PCDHGA5: variants seen among roughly 807,000 people sequenced by gnomAD.
The protein encoded by PCDHGA5 is protocadherin gamma-A5.
Under a neutral mutation model 56.7 loss-of-function variants are expected in PCDHGA5, and 36 were observed. The observed-to-expected ratio is 0.64, with a 90% CI of 0.49 to 0.84. The LOEUF (loss-of-function observed/expected upper bound fraction) is 0.84. Among genes scored for constraint, PCDHGA5 ranks in the 40% least tolerant of loss-of-function variants. The probability of loss-of-function intolerance (pLI) is 0.00; values close to 1 mark genes in which losing one functional copy is unlikely to be tolerated. For synonymous variants in PCDHGA5, 563 were observed against 520.2 expected (o/e 1.08, Z -1.12); for missense variants, 1,305 against 1,201.5 (o/e 1.09, Z -1.27).
intron 1 of PCDHGA5, chr5:141,376,519 T>C (rs1281722134): frequency 1.2e-6 from 2 of 1,613,930 alleles, no homozygotes; most frequent in Non-Finnish European, 1.7e-6. Context: ...TGAGTTTCTT[T>C]CCGCCTAAGC....
At chr5:141,465,923 C>G (rs908350232) in intron 1 of PCDHGA5, among the ~76,000 whole-genome samples, 2 of 152,062 alleles carry the variant, frequency 1.3e-5, no homozygotes, top group African/African-American at 4.8e-5. Flanking sequence ...GATTTCGAGT[C>G]CATCCTGGCT....
chr5:141,373,903 C>T (rs1769941634), intron 1 of PCDHGA5: 1 of 586,370 alleles, frequency 1.7e-6, no homozygotes. Flanking sequence ...GTTACATCCT[C>T]CAACAACAAA....
intron 1 of PCDHGA5, among the ~76,000 whole-genome samples, chr5:141,492,221 G>C (rs62379206): frequency 0.18 from 27,189 of 152,134 alleles, 2,633 homozygotes; most frequent in Admixed American, 0.28. Context: ...GGGCTCATGC[G>C]TGTCCTCCCT....
intron 1 of PCDHGA5, chr5:141,413,664 T>A: frequency 6.2e-7 from 1 of 1,613,858 alleles, no homozygotes; most frequent in Non-Finnish European, 8.5e-7. Flanking sequence ...AAGCTATTGA[T>A]CCGGATGTGG....
intron 1 of PCDHGA5, chr5:141,418,561 T>C: frequency 1.2e-6 from 2 of 1,614,006 alleles, no homozygotes; most frequent in Non-Finnish European, 1.7e-6. Context: ...TGGTAATAGA[T>C]GCCAATGACA....
At chr5:141,391,973 G>A (rs1461017619) in intron 1 of PCDHGA5, 2 of 152,056 alleles carry the variant, frequency 1.3e-5, no homozygotes, top group Non-Finnish European at 2.9e-5. Context: ...AAATAAAATA[G>A]CAAAACAATG....
intron 1 of PCDHGA5, among the ~76,000 whole-genome samples, chr5:141,450,467 T>C (rs997813636): frequency 9.2e-5 from 14 of 151,944 alleles, no homozygotes; most frequent in African/African-American, 3.2e-4. Flanking sequence ...ATTTTATATA[T>C]AGAGTTTGTT....
chr5:141,475,989 A>G, intron 1 of PCDHGA5: 1 of 1,130,622 alleles, frequency 8.8e-7, no homozygotes, highest in Non-Finnish European at 1.3e-6. Flanking sequence ...CCGGCGAGCA[A>G]ATCAACGGCA....
chr5:141,417,839 C>A, intron 1 of PCDHGA5: 1 of 1,534,218 alleles, frequency 6.5e-7, no homozygotes, highest in South Asian at 1.2e-5. Flanking sequence ...AGCGGGGACC[C>A]AGCGAGAACC....
rs777668071 is a variant in PCDHGA5 at position 141,491,848 on chromosome 5, C to G, written c.2422-2959C>G. The G allele has an allele frequency of 3.4e-6, 5 of 1,461,482 alleles. No homozygotes were observed. The highest frequency in any genetic ancestry group is 4.5e-6 in the Non-Finnish European group (5 of 1,104,578). 90.5% of individuals were successfully genotyped at this position (1,461,482 alleles called of 1,614,324 possible). A position where few individuals can be genotyped will look rare whatever the true frequency, so the allele number is the denominator to read the frequency against. ...CACCCGATTCTCGGGATCATTGGAC[C>G]GTTTGCGCGAAACCAGAGTGGCCGA... On this transcript the variant is annotated intron_variant, in intron 1 of 3. Transcript: ENST00000518069. The surrounding 1 kb of genome is among the most constrained non-coding windows in gnomAD (Gnocchi z 6.9).
In PCDHGA5 at chr5:141,408,282, C is replaced by A. The variant is rs1045626164; in HGVS notation, c.2421+41531C>A. On this transcript the variant is annotated intron_variant, in intron 1 of 3. Transcript: ENST00000518069. ...CCTTTGCTGCTGCCTTTGTTCTACC[C>A]CACCCTGAGTGAGCCGATCCGCTAC... The A allele has an allele frequency of 5.0e-6, 8 of 1,612,846 alleles. No individual in the cohort carries two copies. The African/African-American group carries it at 1.1e-4, about 22-fold the overall frequency.
At chr5:141,447,976 C>T (rs774074042) in intron 1 of PCDHGA5, among the ~76,000 whole-genome samples, 18 of 151,938 alleles carry the variant, frequency 1.2e-4, no homozygotes, top group Non-Finnish European at 2.5e-4. Flanking sequence ...ATCCCAGCTA[C>T]TCGGGAGGCT....
intron 1 of PCDHGA5, among the ~76,000 whole-genome samples, chr5:141,435,383 G>A (rs1057246190): frequency 6.6e-6 from 1 of 152,016 alleles, no homozygotes; most frequent in South Asian, 2.1e-4. Flanking sequence ...ACAATATACC[G>A]TATTGCCATG....
At chr5:141,434,535 A>G (rs939961995) in intron 1 of PCDHGA5, among the ~76,000 whole-genome samples, 1 of 152,230 alleles carries the variant, frequency 6.6e-6, no homozygotes, top group African/African-American at 2.4e-5. Flanking sequence ...ACCACAAACA[A>G]TAGCATGAGT....
rs746913952 is a variant in PCDHGA5, at chr5:141,432,898, G to A, written c.2422-61909G>A. The A allele has an allele frequency of 1.2e-6, 2 of 1,614,174 alleles. No homozygotes were observed. Among genetic ancestry groups the A allele is most frequent in the South Asian group, 1.1e-5 (1 of 91,090 alleles). On this transcript the variant is annotated intron_variant, in intron 1 of 3. Transcript: ENST00000518069. This position sits in a 1 kb window ranked among gnomAD's most constrained non-coding sequence, Gnocchi z 6.0. ...TGGCCTTCGTCATCTTGCTGCTGGC[G>A]CTCAGGCTGCGGCGCTGGCACAAGT...
chr5:141,415,947 C>T (rs1161530180), intron 1 of PCDHGA5: 1 of 532,382 alleles, frequency 1.9e-6, no homozygotes, highest in Admixed American at 4.2e-5. Flanking sequence ...CCTGGGTGGT[C>T]ACATATTGAA....
At chr5:141,368,074 G>A (rs1765473205) in intron 1 of PCDHGA5, among the ~76,000 whole-genome samples, 2 of 152,100 alleles carry the variant, frequency 1.3e-5, no homozygotes, top group Admixed American at 6.6e-5. Context: ...TTTCCCTTCT[G>A]CATCTGATTT....
intron 1 of PCDHGA5, chr5:141,400,076 T>A: frequency 6.2e-7 from 1 of 1,613,932 alleles, no homozygotes; most frequent in Non-Finnish European, 8.5e-7. Context: ...CAGCCGCCAC[T>A]CTCCGCCACC....
At chr5:141,479,242 A>G (rs2099491093) in intron 1 of PCDHGA5, 1 of 152,320 alleles carries the variant, frequency 6.6e-6, no homozygotes, top group African/African-American at 2.4e-5. Context: ...AAACCCAAAG[A>G]TAACCATTTT....
Sources: allele counts gnomAD v4.1 joint callset (sites outside exome capture counted in the v4.1 genomes callset), GRCh38; gene constraint gnomAD v4.1.1; non-coding constraint Gnocchi (gnomAD v3.1); transcripts MANE v1.5; gene names NCBI Gene and HGNC (gene_info 2026-07-23, HGNC 2026-07-21).